Variants in CCSER1 observed in about 807,000 individuals in gnomAD.
The protein encoded by CCSER1 is serine-rich coiled-coil domain-containing protein 1.
In CCSER1, 41 loss-of-function variants were observed where a neutral mutation model predicts 82.0. The observed-to-expected ratio is 0.50, with a 90% CI of 0.39 to 0.65. CCSER1 has a LOEUF of 0.65. CCSER1 is among the 30% of genes least tolerant of loss of function. The probability of loss-of-function intolerance (pLI) is 0.00; values close to 1 mark genes in which losing one functional copy is unlikely to be tolerated. For missense variants in CCSER1, 1,119 were observed against 1,064.2 expected, an observed-to-expected ratio of 1.05 and a Z score of -0.72; for synonymous variants, 414 against 383.9, an observed-to-expected ratio of 1.08 and a Z score of -0.92.
chr4:90,135,265 G>C (rs1355565251), intron 1 of CCSER1, among the ~76,000 whole-genome samples: 4 of 151,748 alleles, frequency 2.6e-5, no homozygotes, highest in Admixed American at 1.3e-4. Context: ...CTGATTTCTC[G>C]CTTAATATTT....
At chr4:90,414,082 A>G (rs931653796) in intron 4 of CCSER1, among the ~76,000 whole-genome samples, 6 of 143,214 alleles carry the variant, frequency 4.2e-5, no homozygotes, top group Non-Finnish European at 7.6e-5. Context: ...CAGTAAGTGG[A>G]TATTATTATT....
chr4:90,883,125 C>T (rs576531069), intron 8 of CCSER1, among the ~76,000 whole-genome samples: 3 of 151,864 alleles, frequency 2.0e-5, no homozygotes, highest in Non-Finnish European at 4.4e-5. Flanking sequence ...CAGTATGACT[C>T]CTGAACTCAT....
intron 9 of CCSER1, among the ~76,000 whole-genome samples, chr4:91,011,504 T>G (rs1739002859): frequency 7.5e-6 from 1 of 133,666 alleles, no homozygotes; most frequent in South Asian, 2.4e-4. Context: ...GGGCTGTAGA[T>G]TCCCTCTCTG....
At chr4:90,726,389 A>G (rs561032183) in intron 7 of CCSER1, among the ~76,000 whole-genome samples, 1 of 152,170 alleles carries the variant, frequency 6.6e-6, no homozygotes, top group African/African-American at 2.4e-5. Context: ...AATGTTAGAT[A>G]AGAAATTGGC....
chr4:90,740,804 CT>C (rs776143651), intron 7 of CCSER1, among the ~76,000 whole-genome samples: 2 of 152,018 alleles, frequency 1.3e-5, no homozygotes, highest in Non-Finnish European at 2.9e-5. Context: ...AGAAAATTTT[CT>C]TTGTAAAATG....
intron 10 of CCSER1, among the ~76,000 whole-genome samples, chr4:91,290,273 T>A (rs1439670405): frequency 6.6e-6 from 1 of 152,012 alleles, no homozygotes; most frequent in Non-Finnish European, 1.5e-5. Flanking sequence ...AACTTTGCTT[T>A]AAAAATATTT....
In CCSER1 at chr4:91,377,373, A is replaced by C. The variant is rs184215446; in HGVS notation, c.2218-221199A>C. ...TAGTTTACAGTCCCACCAACAGTGTAAAAGTGTTCCTATTTCTCTACATCC... is the reference window on the plus strand; with the variant it reads ...TAGTTTACAGTCCCACCAACAGTGTCAAAGTGTTCCTATTTCTCTACATCC... On this transcript the variant is annotated intron_variant, in intron 10 of 10. Coordinates refer to ENST00000509176, the MANE Select transcript of CCSER1 (RefSeq NM_001145065.2). Among the ~76,000 whole-genome samples the C allele has an allele frequency of 2.9e-3, 446 of 152,272 alleles. 1 individual carries two copies. The highest frequency in any genetic ancestry group is 0.01 in the African/African-American group (419 of 41,558).
chr4:91,155,985 C>T (rs1221445684), intron 10 of CCSER1, among the ~76,000 whole-genome samples: 1 of 151,506 alleles, frequency 6.6e-6, no homozygotes, highest in African/African-American at 2.4e-5. Context: ...TTAACTGTGG[C>T]AAGAAAAGTG....
chr4:90,769,440 C>A (rs989102067), intron 7 of CCSER1, among the ~76,000 whole-genome samples: 2 of 152,154 alleles, frequency 1.3e-5, no homozygotes, highest in African/African-American at 4.8e-5. Context: ...AGAACCAGAC[C>A]CCAGCAGTTA....
intron 10 of CCSER1, among the ~76,000 whole-genome samples, chr4:91,420,547 T>G (rs1753630556): frequency 6.6e-6 from 1 of 152,082 alleles, no homozygotes; most frequent in Non-Finnish European, 1.5e-5. Context: ...ATAACAATTG[T>G]TGGCAAGTCT....
At chr4:91,218,982 A>G (rs1243312499) in intron 10 of CCSER1, among the ~76,000 whole-genome samples, 1 of 152,182 alleles carries the variant, frequency 6.6e-6, no homozygotes, top group African/African-American at 2.4e-5. Context: ...TAAGTATTAA[A>G]CATACACAGA....
chr4:90,973,916 A>G (rs972259211), intron 9 of CCSER1, among the ~76,000 whole-genome samples: 2 of 151,624 alleles, frequency 1.3e-5, no homozygotes, highest in Non-Finnish European at 3.0e-5. Context: ...AATGAACGAG[A>G]ATGTGTTCCT....
intron 10 of CCSER1, among the ~76,000 whole-genome samples, chr4:91,172,881 A>C (rs1732911299): frequency 6.6e-6 from 1 of 152,216 alleles, no homozygotes; most frequent in African/African-American, 2.4e-5. Flanking sequence ...AAACATATTA[A>C]ACATACTGAT....
At chr4:91,266,175 T>C (rs986575992) in intron 10 of CCSER1, among the ~76,000 whole-genome samples, 1 of 151,966 alleles carries the variant, frequency 6.6e-6, no homozygotes, top group Non-Finnish European at 1.5e-5. Context: ...AGCAAAACCA[T>C]GTAAGATTGT....
At chr4:91,556,999 T>C (rs1322672899) in intron 10 of CCSER1, among the ~76,000 whole-genome samples, 1 of 151,144 alleles carries the variant, frequency 6.6e-6, no homozygotes, top group African/African-American at 2.4e-5. Context: ...GTTTTCTTTA[T>C]CCCTACTGGC....
intron 3 of CCSER1, among the ~76,000 whole-genome samples, chr4:90,329,382 T>A (rs1410091282): frequency 2.6e-5 from 4 of 152,180 alleles, no homozygotes; most frequent in Non-Finnish European, 5.9e-5. Context: ...TACAAGTGAA[T>A]ATGACAGTTG....
chr4:91,562,306 C>T (rs904795293), intron 10 of CCSER1, among the ~76,000 whole-genome samples: 6 of 151,176 alleles, frequency 4.0e-5, no homozygotes, highest in South Asian at 4.2e-4. Flanking sequence ...GTAATGTCAC[C>T]CTTAAAAATT....
intron 5 of CCSER1, among the ~76,000 whole-genome samples, chr4:90,605,946 A>AATTGAT (rs1023484474): frequency 1.3e-5 from 2 of 152,162 alleles, no homozygotes; most frequent in Non-Finnish European, 2.9e-5. Context: ...TCAATGCTTA[A>AATTGAT]ATTGATACTT....
chr4:90,477,805 G>A lies in CCSER1; in HGVS notation c.1724+9451G>A, dbSNP rs11097252. On this transcript the variant is annotated intron_variant, in intron 5 of 10. Transcript: ENST00000509176. ...GGTAAAACACATTTTCTTTTATTTCGAAGGTAGAACCAACCATGATAGTTG... is the reference window on the plus strand; with the variant it reads ...GGTAAAACACATTTTCTTTTATTTCAAAGGTAGAACCAACCATGATAGTTG... Among the ~76,000 whole-genome samples the A allele has an allele frequency of 7.8e-4, 118 of 151,350 alleles. 2 individuals carry two copies. The East Asian group carries it at 0.018, about 23-fold the overall frequency.
Sources: allele counts gnomAD v4.1 joint callset (sites outside exome capture counted in the v4.1 genomes callset), GRCh38; gene constraint gnomAD v4.1.1; transcripts MANE v1.5; gene names NCBI Gene and HGNC (gene_info 2026-07-23, HGNC 2026-07-21).